The following GALNT17 variants were observed in gnomAD, a reference collection of about 807,000 sequenced individuals.
GALNT17 encodes the protein polypeptide N-acetylgalactosaminyltransferase 17.
GALNT17 carries 29 observed loss-of-function variants against 63.7 expected under a neutral mutation model. That is an observed-to-expected ratio of 0.46 (90% CI 0.34 to 0.62). The LOEUF is 0.62. Ranked by LOEUF, GALNT17 falls within the 20% of genes least tolerant of loss-of-function variation. The pLI is 0.01. For missense variants in GALNT17, 603 were observed against 799.6 expected (o/e 0.75, Z 2.97); for synonymous variants, 305 against 318.3 (o/e 0.96, Z 0.45).
intron 1 of GALNT17, among the ~76,000 whole-genome samples, chr7:71,309,651 C>G (rs575523970): frequency 6.6e-6 from 1 of 152,086 alleles, no homozygotes; most frequent in East Asian, 1.9e-4. Flanking sequence ...AGGAATATTC[C>G]TATGAATATA....
intron 6 of GALNT17, among the ~76,000 whole-genome samples, chr7:71,648,039 T>C (rs1477795962): frequency 6.6e-6 from 1 of 152,136 alleles, no homozygotes; most frequent in Non-Finnish European, 1.5e-5. Flanking sequence ...TTCCTCTGGG[T>C]CCTCACAGTC....
chr7:71,661,668 T>C (rs904741740), intron 6 of GALNT17, among the ~76,000 whole-genome samples: 7 of 152,142 alleles, frequency 4.6e-5, no homozygotes, highest in African/African-American at 1.7e-4. Context: ...GCAGCAGGAT[T>C]CCAGGGCAGG....
intron 5 of GALNT17, among the ~76,000 whole-genome samples, chr7:71,466,195 C>G (rs973808227): frequency 5.9e-5 from 9 of 152,136 alleles, no homozygotes; most frequent in African/African-American, 2.2e-4. Flanking sequence ...AAATAAAAGT[C>G]CTCCTGCTGA....
chr7:71,162,916 C>G (rs892591340), intron 1 of GALNT17, among the ~76,000 whole-genome samples: 5 of 152,150 alleles, frequency 3.3e-5, no homozygotes, highest in African/African-American at 9.7e-5. Flanking sequence ...TGCTCCAATT[C>G]AAGTGCTTTG....
intron 1 of GALNT17, among the ~76,000 whole-genome samples, chr7:71,183,364 G>T (rs574870568): frequency 6.6e-6 from 1 of 152,196 alleles, no homozygotes; most frequent in Non-Finnish European, 1.5e-5. Context: ...GTGCTATTTG[G>T]ACACACAATT....
chr7:71,352,623 A>G (rs373897567), intron 2 of GALNT17, among the ~76,000 whole-genome samples: 2 of 152,272 alleles, frequency 1.3e-5, no homozygotes, highest in South Asian at 4.2e-4. Context: ...TGAGAGAGAG[A>G]TAGGGGTTGG....
At chr7:71,656,825 T>C (rs898616453) in intron 6 of GALNT17, among the ~76,000 whole-genome samples, 4 of 152,172 alleles carry the variant, frequency 2.6e-5, no homozygotes, top group Non-Finnish European at 5.9e-5. Context: ...GTAGCTTCCT[T>C]GCTCAATTTG....
chr7:71,554,011 T>A (rs901478289), intron 5 of GALNT17, among the ~76,000 whole-genome samples: 4 of 152,214 alleles, frequency 2.6e-5, no homozygotes, highest in Admixed American at 1.3e-4. Context: ...CCTCCCAATC[T>A]TGAGTTTTGT....
chr7:71,707,479 C>T (rs1170312174), intron 9 of GALNT17, among the ~76,000 whole-genome samples: 1 of 152,198 alleles, frequency 6.6e-6, no homozygotes, highest in African/African-American at 2.4e-5. Context: ...CGGGCAACAC[C>T]TTCCCTGTAT....
At chr7:71,668,537 A>AAAAAAAAAC (rs1791020183) in intron 7 of GALNT17, among the ~76,000 whole-genome samples, 1 of 150,468 alleles carries the variant, frequency 6.6e-6, no homozygotes. Flanking sequence ...AAAAAAAAAG[A>AAAAAAAAAC]CCATTTCATG....
intron 8 of GALNT17, among the ~76,000 whole-genome samples, chr7:71,671,881 C>G (rs749256116): frequency 6.6e-6 from 1 of 152,020 alleles, no homozygotes; most frequent in Non-Finnish European, 1.5e-5. Flanking sequence ...TATTAAAAAA[C>G]TAGCTGAGCG....
chr7:71,162,099 CCCTTCCTTCCTCCCTCCCTCCCTCCCTT>C (rs1788354761), intron 1 of GALNT17, among the ~76,000 whole-genome samples: 1 of 86,098 alleles, frequency 1.2e-5, no homozygotes, highest in Non-Finnish European at 2.2e-5. Flanking sequence ...CTCCCTCCCT[CCCTTCCTTCCTCCCTCCCTCCCTCCCTT>C]CCTTCCTTCC....
chr7:71,466,047 G>A (rs552334641), intron 5 of GALNT17, among the ~76,000 whole-genome samples: 6 of 152,284 alleles, frequency 3.9e-5, no homozygotes, highest in African/African-American at 1.2e-4. Context: ...TGCATGAATG[G>A]AGATTCTTTA....
intron 1 of GALNT17, among the ~76,000 whole-genome samples, chr7:71,290,881 A>T (rs1180024425): frequency 1.3e-5 from 2 of 151,856 alleles, no homozygotes; most frequent in African/African-American, 2.4e-5. Context: ...TTGGACACAG[A>T]CCTCATCTTG....
intron 6 of GALNT17, among the ~76,000 whole-genome samples, chr7:71,609,475 A>C (rs1790093942): frequency 6.6e-6 from 1 of 152,244 alleles, no homozygotes; most frequent in African/African-American, 2.4e-5. Flanking sequence ...ACCATTCTTA[A>C]CTCACAGCAA....
chr7:71,626,751 TG>T (rs1790381799), intron 6 of GALNT17, among the ~76,000 whole-genome samples: 1 of 152,230 alleles, frequency 6.6e-6, no homozygotes, highest in Non-Finnish European at 1.5e-5. Context: ...ACACCACCTT[TG>T]ATTAAAGAGA....
chr7:71,587,713 A>G (rs1014082570), intron 6 of GALNT17, among the ~76,000 whole-genome samples: 22 of 151,982 alleles, frequency 1.4e-4, no homozygotes, highest in Admixed American at 1.4e-3. Flanking sequence ...AAACATTAAA[A>G]AAACACTAAT....
Position 71,167,494 on chromosome 7 carries a change from G to A in GALNT17, c.238+34454G>A, listed in dbSNP as rs185705508. Among the ~76,000 whole-genome samples the A allele has an allele frequency of 1.1e-4, 16 of 152,156 alleles. No individual in the cohort carries two copies. In the East Asian group the frequency reaches 2.1e-3, roughly 20 times the overall value. On this transcript the variant is annotated intron_variant, in intron 1 of 10. Transcript: ENST00000333538. Reference sequence around the variant, plus strand: ...AGTTCTTTATGTATTCTAGGAGGAAGTACCTTATCAGATAGATGACTCACA... The same window carrying A: ...AGTTCTTTATGTATTCTAGGAGGAAATACCTTATCAGATAGATGACTCACA...
At position 71,659,728 on chromosome 7, in the gene GALNT17, T is replaced by C. The variant is rs550161770; in HGVS notation, c.1081-5683T>C. On this transcript the variant is annotated intron_variant, in intron 6 of 10. Transcript: ENST00000333538. Reference sequence around the variant, plus strand: ...TATAGGAAGAGCAAATAAGTCACATTGCCAAGGAGCATGGGTGGAATTGTT... The same window carrying C: ...TATAGGAAGAGCAAATAAGTCACATCGCCAAGGAGCATGGGTGGAATTGTT... Among the ~76,000 whole-genome samples, 4 of 152,320 alleles carry C rather than the reference T, an allele frequency of 2.6e-5. No individual in the cohort carries two copies. The East Asian group carries it at 7.7e-4, about 29-fold the overall frequency.
Sources: gnomAD v4.1 joint callset for allele counts (sites outside exome capture counted in the v4.1 genomes callset) on GRCh38, gnomAD v4.1.1 for gene constraint, MANE v1.5 for transcripts, NCBI Gene and HGNC (gene_info 2026-07-23, HGNC 2026-07-21) for gene names.